KIRREL3: variants seen among roughly 807,000 people sequenced by gnomAD.
The protein encoded by KIRREL3 is kin of IRRE-like protein 3.
In KIRREL3, 36 loss-of-function variants were observed where a neutral mutation model predicts 89.7. That is an observed-to-expected ratio of 0.40 (90% CI 0.31 to 0.53). The LOEUF is 0.53. KIRREL3 is among the 20% of genes least tolerant of loss of function. The pLI, the probability that KIRREL3 is intolerant of heterozygous loss-of-function variation, is 0.49. For missense variants in KIRREL3, 864 were observed against 1,056.6 expected (o/e 0.82, Z 2.53); for synonymous variants, 445 against 441.4 (o/e 1.01, Z -0.10).
rs1422241098 is a variant in KIRREL3, at chr11:126,651,805, C to G, written c.56-88893G>C. On this transcript the variant is annotated intron_variant, in intron 1 of 16. Coordinates refer to ENST00000525144, the MANE Select transcript of KIRREL3 (RefSeq NM_032531.4). The surrounding 1 kb of genome is among the most constrained non-coding windows in gnomAD (Gnocchi z 4.6). ...TATTAGGAATGATTATACCAGAGAA[C>G]CCAATAAATGAGAAGTTTTGGAGAC... Among the ~76,000 whole-genome samples the G allele has an allele frequency of 1.3e-5, 2 of 152,112 alleles. No individual in the cohort carries two copies. The highest frequency in any genetic ancestry group is 6.5e-5 in the Admixed American group (1 of 15,268).
In KIRREL3 at chr11:126,471,540, T is replaced by C. The variant is rs981273259; in HGVS notation, c.591+1769A>G. ...GGGCACAGCCTCTGTTGTGGCTTGC[T>C]TTCATAGGAAGGAATGGTGAGGTAG... On this transcript the variant is annotated intron_variant, in intron 5 of 16. Coordinates refer to ENST00000525144, the MANE Select transcript of KIRREL3 (RefSeq NM_032531.4). This position sits in a 1 kb window ranked among gnomAD's most constrained non-coding sequence, Gnocchi z 5.4. Among the ~76,000 whole-genome samples the C allele has an allele frequency of 1.4e-4, 22 of 152,038 alleles. No homozygotes were observed. The highest frequency in any genetic ancestry group is 3.9e-4 in the Admixed American group (6 of 15,262).
intron 1 of KIRREL3, among the ~76,000 whole-genome samples, chr11:126,621,021 G>C (rs12360857): frequency 6.6e-6 from 1 of 152,002 alleles, no homozygotes; most frequent in East Asian, 1.9e-4. Context: ...TTGAGTGTAA[G>C]CGAATGCAAA....
rs558566554 is a variant in KIRREL3, at chr11:126,605,419, G to T, written c.56-42507C>A. 6.6e-6 allele frequency among the ~76,000 whole-genome samples: 1 copy of T among 152,284 alleles called. No individual in the cohort carries two copies. The highest frequency in any genetic ancestry group is 2.1e-4 in the South Asian group (1 of 4,814). ...GTCTGGGATTTGAGGCTCAGGGGGA[G>T]GAGTCCTGCGGTGACTGCTGTGAAG... On this transcript the variant is annotated intron_variant, in intron 1 of 16. Coordinates refer to ENST00000525144, the MANE Select transcript of KIRREL3 (RefSeq NM_032531.4). The surrounding 1 kb of genome is among the most constrained non-coding windows in gnomAD (Gnocchi z 5.7).
Position 126,989,264 on chromosome 11 carries a change from A to G in KIRREL3, c.55+11191T>C, listed in dbSNP as rs1156276207. ...TCACCTGGAATTTGCTAGTAGAACT[A>G]TCAGTAAAATGAAGACAGCAATCCT... On this transcript the variant is annotated intron_variant, in intron 1 of 16. Transcript: ENST00000525144. This position sits in a 1 kb window ranked among gnomAD's most constrained non-coding sequence, Gnocchi z 6.2. Among the ~76,000 whole-genome samples the G allele has an allele frequency of 1.3e-5, 2 of 152,170 alleles. No individual in the cohort carries two copies. The highest frequency in any genetic ancestry group is 4.8e-5 in the African/African-American group (2 of 41,430).
chr11:126,971,742 C>CTTT (rs550147241), intron 1 of KIRREL3, among the ~76,000 whole-genome samples: 231 of 152,324 alleles, frequency 1.5e-3, no homozygotes, highest in Non-Finnish European at 3.0e-3. Context: ...TCCTCTGAAT[C>CTTT]TTTCCTATAG....
Position 126,526,967 on chromosome 11 carries a change from C to T in KIRREL3, c.134-280G>A, listed in dbSNP as rs1035622881. Among the ~76,000 whole-genome samples, 1 of 152,214 alleles carries T rather than the reference C, an allele frequency of 6.6e-6. No individual in the cohort carries two copies. Among genetic ancestry groups the T allele is most frequent in the African/African-American group, 2.4e-5 (1 of 41,456 alleles). Reference sequence around the variant, plus strand: ...CCCCAGCTCCCTATGGGCCATCTCCCTCCACCTTTGGGACGTGCCACTTCC... The same window carrying T: ...CCCCAGCTCCCTATGGGCCATCTCCTTCCACCTTTGGGACGTGCCACTTCC... On this transcript the variant is annotated intron_variant, in intron 2 of 16. Transcript: ENST00000525144. This position sits in a 1 kb window ranked among gnomAD's most constrained non-coding sequence, Gnocchi z 5.7.
In KIRREL3 at chr11:126,965,292, T is replaced by C. The variant is rs1185480764; in HGVS notation, c.55+35163A>G. 6.6e-6 allele frequency among the ~76,000 whole-genome samples: 1 copy of C among 152,226 alleles called. No individual in the cohort carries two copies. The highest frequency in any genetic ancestry group is 1.5e-5 in the Non-Finnish European group (1 of 68,040). ...TCACAAATCTACTTAGGCTGTTCAA[T>C]TGTATTGCTTATTTACAGAGATGCT... On this transcript the variant is annotated intron_variant, in intron 1 of 16. Coordinates refer to ENST00000525144, the MANE Select transcript of KIRREL3 (RefSeq NM_032531.4). The surrounding 1 kb of genome is among the most constrained non-coding windows in gnomAD (Gnocchi z 4.4).
Position 126,955,724 on chromosome 11 carries a change from G to A in KIRREL3, c.55+44731C>T, listed in dbSNP as rs1298609910. Among the ~76,000 whole-genome samples, 1 of 152,200 alleles carries A rather than the reference G, an allele frequency of 6.6e-6. No individual in the cohort carries two copies. Among genetic ancestry groups the A allele is most frequent in the Non-Finnish European group, 1.5e-5 (1 of 68,036 alleles). On this transcript the variant is annotated intron_variant, in intron 1 of 16. Transcript: ENST00000525144. This position sits in a 1 kb window ranked among gnomAD's most constrained non-coding sequence, Gnocchi z 4.6. ...TTTATACCAAAGGCTTGAGCTAGGT[G>A]TTTTAATGGGATCTAAAAACGAACA... is the stretch of plus-strand genomic sequence containing the variant.
In KIRREL3 at chr11:126,898,825, C is replaced by A. The variant is rs980300798; in HGVS notation, c.55+101630G>T. 4.6e-5 allele frequency among the ~76,000 whole-genome samples: 7 copies of A among 152,188 alleles called. No homozygotes were observed. The highest frequency in any genetic ancestry group is 3.4e-3 in the Middle Eastern group (1 of 292). ...GAAATATGACTAACTCAAGTCTTTG[C>A]AGCTTATATTCAATTTAAAAAATAG... is the stretch of plus-strand genomic sequence containing the variant. On this transcript the variant is annotated intron_variant, in intron 1 of 16. Transcript: ENST00000525144. This position sits in a 1 kb window ranked among gnomAD's most constrained non-coding sequence, Gnocchi z 4.9.
At position 126,513,958 on chromosome 11, in the gene KIRREL3, T is replaced by G. The variant is rs1958317314; in HGVS notation, c.433+7357A>C. On this transcript the variant is annotated intron_variant, in intron 4 of 16. Transcript: ENST00000525144. The surrounding 1 kb of genome is among the most constrained non-coding windows in gnomAD (Gnocchi z 5.9). ...TACCCTTCATGGCCCCCAGCTCTGC[T>G]CACTTTATCACCTGCCCAGCAGGTG... is the stretch of plus-strand genomic sequence containing the variant. Among the ~76,000 whole-genome samples the G allele has an allele frequency of 6.6e-6, 1 of 152,134 alleles. No homozygotes were observed. The highest frequency in any genetic ancestry group is 1.5e-5 in the Non-Finnish European group (1 of 68,022).
chr11:126,675,966 T>C (rs905200858), intron 1 of KIRREL3, among the ~76,000 whole-genome samples: 11 of 152,114 alleles, frequency 7.2e-5, no homozygotes, highest in Admixed American at 5.9e-4. Flanking sequence ...GAGGGAGGTG[T>C]TGATGACTCC....
intron 5 of KIRREL3, among the ~76,000 whole-genome samples, chr11:126,465,695 T>G (rs899996325): frequency 1.3e-5 from 2 of 152,130 alleles, no homozygotes; most frequent in Non-Finnish European, 2.9e-5. Flanking sequence ...GCCACGGCCC[T>G]GGGCAGAGGG....
intron 2 of KIRREL3, among the ~76,000 whole-genome samples, chr11:126,534,773 C>G (rs1270096849): frequency 6.6e-6 from 1 of 152,222 alleles, no homozygotes; most frequent in Non-Finnish European, 1.5e-5. Context: ...TCTGCCCTAC[C>G]TGAGAAGGTA....
Position 126,970,700 on chromosome 11 carries a change from A to G in KIRREL3, c.55+29755T>C, listed in dbSNP as rs1309837038. On this transcript the variant is annotated intron_variant, in intron 1 of 16. Coordinates refer to ENST00000525144, the MANE Select transcript of KIRREL3 (RefSeq NM_032531.4). This position sits in a 1 kb window ranked among gnomAD's most constrained non-coding sequence, Gnocchi z 4.4. ...CTATTATATGTAAAATGATAAACAT[A>G]CAGCATTTCAACCACATCCCTAGTT... is the stretch of plus-strand genomic sequence containing the variant. Among the ~76,000 whole-genome samples the G allele has an allele frequency of 6.6e-6, 1 of 152,214 alleles. No homozygotes were observed. Among genetic ancestry groups the G allele is most frequent in the African/African-American group, 2.4e-5 (1 of 41,448 alleles).
In KIRREL3 at chr11:126,652,881, A is replaced by C. The variant is rs535005297; in HGVS notation, c.56-89969T>G. 1.3e-5 allele frequency: 2 copies of C among 152,344 alleles called. No individual in the cohort carries two copies. The highest frequency in any genetic ancestry group is 3.9e-4 in the East Asian group (2 of 5,180). The allele number at this position is 152,344 out of a possible 1,614,324, so 9.4% of individuals were successfully genotyped here. Reference sequence around the variant, plus strand: ...GCCACCTCACTGGTCCTCTGTTGCCAGTAGAAAAAGCCCTACAAGGATTAA... The same window carrying C: ...GCCACCTCACTGGTCCTCTGTTGCCCGTAGAAAAAGCCCTACAAGGATTAA... On this transcript the variant is annotated intron_variant, in intron 1 of 16. Transcript: ENST00000525144. The surrounding 1 kb of genome is among the most constrained non-coding windows in gnomAD (Gnocchi z 4.9).
chr11:126,572,407 G>A (rs1028571370), intron 1 of KIRREL3, among the ~76,000 whole-genome samples: 5 of 152,230 alleles, frequency 3.3e-5, no homozygotes, highest in African/African-American at 9.6e-5. Flanking sequence ...GGGAAGCCAA[G>A]CAATTTTCCT....
intron 1 of KIRREL3, among the ~76,000 whole-genome samples, chr11:126,951,898 A>T (rs1948782670): frequency 6.6e-6 from 1 of 152,210 alleles, no homozygotes; most frequent in Non-Finnish European, 1.5e-5. Context: ...GTAGTGATGA[A>T]CTTATTTCAA....
rs1394175168 is a variant in KIRREL3, at chr11:126,918,122, G to A, written c.55+82333C>T. ...TCTCAGAGGGAAGACAGAGACTCAC[G>A]GTATGGCAGTTGAAGGACACACGAC... On this transcript the variant is annotated intron_variant, in intron 1 of 16. Transcript: ENST00000525144. The surrounding 1 kb of genome is among the most constrained non-coding windows in gnomAD (Gnocchi z 6.5). 1.3e-5 allele frequency among the ~76,000 whole-genome samples: 2 copies of A among 152,070 alleles called. No individual in the cohort carries two copies. Among genetic ancestry groups the A allele is most frequent in the African/African-American group, 2.4e-5 (1 of 41,406 alleles).
At chr11:126,935,484 T>C (rs1948146587) in intron 1 of KIRREL3, 1 of 152,214 alleles carries the variant, frequency 6.6e-6, no homozygotes, top group Non-Finnish European at 1.5e-5. Context: ...CAAGATGACC[T>C]TCAGCAGGTG....
Sources: gnomAD v4.1 joint callset for allele counts (sites outside exome capture counted in the v4.1 genomes callset) on GRCh38, gnomAD v4.1.1 for gene constraint, Gnocchi (gnomAD v3.1) non-coding constraint, MANE v1.5 for transcripts, NCBI Gene and HGNC (gene_info 2026-07-23, HGNC 2026-07-21) for gene names.